CAND2: variants seen among roughly 807,000 people sequenced by gnomAD.
CAND2 encodes the protein cullin associated and neddylation dissociated 2 (putative).
CAND2 carries 62 observed loss-of-function variants against 98.9 expected under a neutral mutation model. The ratio of observed to expected loss-of-function variants is 0.63; its 90% CI spans 0.51 to 0.77. CAND2 has a LOEUF of 0.77. Among genes scored for constraint, CAND2 ranks in the 30% least tolerant of loss-of-function variants. CAND2 has a pLI of 0.00. For synonymous variants in CAND2, 770 were observed against 731.9 expected, an observed-to-expected ratio of 1.05 and a Z score of -0.84; for missense variants, 1,501 against 1,655.2, an observed-to-expected ratio of 0.91 and a Z score of 1.62.
In CAND2 at chr3:12,816,727, G is replaced by A; in HGVS notation, c.1795G>A (p.Val599Ile). The A allele has an allele frequency of 6.2e-7, 1 of 1,613,694 alleles. No individual in the cohort carries two copies. Among genetic ancestry groups the A allele is most frequent in the Non-Finnish European group, 8.5e-7 (1 of 1,180,036 alleles). Residue 599 changes from valine to isoleucine, a missense_variant, in exon 10 of 15, where the codon GTA becomes ATA. Val to Ile is a conservative substitution (Grantham distance 29). Coordinates refer to ENST00000456430, the MANE Select transcript of CAND2 (RefSeq NM_001162499.2). ...GGCCATTTCCTGCATGGGCCACCTT[G>A]TAGGCCACCTGGGTGACCGGCTTGG... ...ERAISCMGHLVGHLGDRLGDD... is the reference protein window; with the variant it reads ...ERAISCMGHLIGHLGDRLGDD...
At position 12,815,228 on chromosome 3, in the gene CAND2, C is replaced by T. The variant is rs61737053; in HGVS notation, c.1094C>T (p.Ser365Leu). Residue 365 changes from serine to leucine, a missense_variant, in exon 8 of 15, where the codon TCG becomes TTG. This residue lies in a region of CAND2 where 1,427 missense variants were observed against 1,545.3 expected (regional missense o/e 0.92). Coordinates refer to ENST00000456430, the MANE Select transcript of CAND2 (RefSeq NM_001162499.2). The surrounding 1 kb of genome is among the most constrained non-coding windows in gnomAD (Gnocchi z 5.7). ...AAKCIAALISSRPDLLPDFHC... is the reference protein window; with the variant it reads ...AAKCIAALISLRPDLLPDFHC... The stretch of plus-strand genomic sequence containing the variant: ...AAGTGCATCGCAGCCTTGATCAGCT[C>T]GCGGCCTGACCTGCTGCCCGATTTC... 91 of 1,613,682 alleles carry T rather than the reference C, an allele frequency of 5.6e-5. No individual in the cohort carries two copies. The highest frequency in any genetic ancestry group is 6.6e-5 in the Non-Finnish European group (78 of 1,179,982).
Position 12,810,318 on chromosome 3 carries a change from C to T in CAND2, c.751C>T (p.Arg251Cys). Residue 251 changes from arginine (R) to cysteine (C), a missense_variant, in exon 5 of 15, where the codon CGC becomes TGC. Transcript: ENST00000456430. ...CAGCGTCGGCCGCCAGGCCGGCCAC[C>T]GCCTCGGTAAGGGGGCAGGGGGCGG... is the stretch of plus-strand genomic sequence containing the variant. Reference protein sequence around the residue: ...LGSVGRQAGHRLGAHLDRLVP... With the variant: ...LGSVGRQAGHCLGAHLDRLVP... The T allele has an allele frequency of 6.9e-7, 1 of 1,456,474 alleles. No individual in the cohort carries two copies. The highest frequency in any genetic ancestry group is 9.1e-7 in the Non-Finnish European group (1 of 1,104,764). The allele number at this position is 1,456,474 out of a possible 1,614,324, so 90.2% of individuals were successfully genotyped here.
intron 11 of CAND2, among the ~76,000 whole-genome samples, chr3:12,821,154 A>C (rs1205436673): frequency 6.6e-6 from 1 of 151,700 alleles, no homozygotes; most frequent in Non-Finnish European, 1.5e-5. Flanking sequence ...GAATCACTTG[A>C]TCCCGGGAGG....
chr3:12,820,557 C>A (rs2061949420), intron 11 of CAND2, among the ~76,000 whole-genome samples: 1 of 152,260 alleles, frequency 6.6e-6, no homozygotes, highest in Non-Finnish European at 1.5e-5. Flanking sequence ...CAGCCTCTCA[C>A]ATGCCTTAGC....
Position 12,797,111 on chromosome 3 carries a change from C to A in CAND2, c.68+323C>A, listed in dbSNP as rs11918133. Reference sequence around the variant, plus strand: ...ACCCCTCTGCACCCTGCCTCGGCCTCTCCTCCCTCGTGTGTGTCCGGCCCC... The same window carrying A: ...ACCCCTCTGCACCCTGCCTCGGCCTATCCTCCCTCGTGTGTGTCCGGCCCC... On this transcript the variant is annotated intron_variant, in intron 1 of 14. Coordinates refer to ENST00000456430, the MANE Select transcript of CAND2 (RefSeq NM_001162499.2). Among the ~76,000 whole-genome samples, 839 of 151,262 alleles carry A rather than the reference C, an allele frequency of 5.5e-3. 8 individuals are homozygous for A. Among genetic ancestry groups the A allele is most frequent in the African/African-American group, 0.017 (713 of 41,130 alleles).
chr3:12,803,731 C>G, intron 2 of CAND2, 100 bp downstream of exon 2: 8 of 1,052,528 alleles, frequency 7.6e-6, no homozygotes, highest in African/African-American at 3.2e-5. Context: ...GCAGAGGAGA[C>G]CTGCTGAGCA....
At chr3:12,824,779 G>A (rs556878107) in intron 11 of CAND2, among the ~76,000 whole-genome samples, 49 of 152,234 alleles carry the variant, frequency 3.2e-4, no homozygotes, top group African/African-American at 1.1e-3. Flanking sequence ...ATGGTGGTTC[G>A]TGCCTGTAAT....
Position 12,827,454 on chromosome 3 carries a change from C to T in CAND2, c.3225C>T (p.Pro1075=), listed in dbSNP as rs1197919936. The T allele has an allele frequency of 2.5e-6, 4 of 1,613,616 alleles. No homozygotes were observed. The highest frequency in any genetic ancestry group is 3.4e-6 in the Non-Finnish European group (4 of 1,179,740). The change falls in exon 13 of 15, where the codon CCC becomes CCT. Residue 1075 remains proline (P), a synonymous_variant. Coordinates refer to ENST00000456430, the MANE Select transcript of CAND2 (RefSeq NM_001162499.2). ...CCCTCCTGCAGGTGGAGATGGGGCC[C>T]TTTAAACATACAGTGGACGATGGGC... ...RDLIREVEMG[P]FKHTVDDGLD...
At chr3:12,821,233 CAA>C (rs10589402) in intron 11 of CAND2, among the ~76,000 whole-genome samples, 87,326 of 139,714 alleles carry the variant, frequency 0.63, 26,996 homozygotes, top group African/African-American at 0.68. Flanking sequence ...GACTCCGTCT[CAA>C]AAAAAAAAAA....
At chr3:12,829,335 C>G (rs2124873961) in intron 13 of CAND2, among the ~76,000 whole-genome samples, 1 of 152,134 alleles carries the variant, frequency 6.6e-6, no homozygotes, top group African/African-American at 2.4e-5. Context: ...TTAGTAGAGA[C>G]AGGGTTTCGC....
intron 2 of CAND2, among the ~76,000 whole-genome samples, chr3:12,806,683 G>A (rs996778042): frequency 6.6e-6 from 1 of 152,228 alleles, no homozygotes. Flanking sequence ...AGGGCGTCTA[G>A]TGCCGCTGTT....
rs1371524529 is a variant in CAND2 at position 12,815,885 on chromosome 3, G to A, written c.1318G>A (p.Ala440Thr). The change falls in exon 9 of 15, where the codon GCC (alanine) becomes ACC (threonine). Residue 440 changes from alanine to threonine, a missense_variant. Transcript: ENST00000456430. This position sits in a 1 kb window ranked among gnomAD's most constrained non-coding sequence, Gnocchi z 5.7. ...CCCACAGGTGCCCCTTGTGGTCAAG[G>A]CCCTGCAGCGGCAGCTTAAAGATCG... ...LRGQVPLVVK[A>T]LQRQLKDRSV... The A allele has an allele frequency of 1.2e-5, 19 of 1,613,612 alleles. No homozygotes were observed. The highest frequency in any genetic ancestry group is 1.7e-5 in the Admixed American group (1 of 59,974).
At chr3:12,803,709 G>T (rs2061784101) in intron 2 of CAND2, 78 bp downstream of exon 2, 1 of 1,380,856 alleles carries the variant, frequency 7.2e-7, no homozygotes, top group African/African-American at 1.4e-5. Flanking sequence ...TGTCCCTTTG[G>T]GGTACAGCCT....
intron 7 of CAND2, 151 bp from the exon 8 acceptor site, chr3:12,814,990 A>G: frequency 2.9e-6 from 2 of 701,330 alleles, no homozygotes; most frequent in Non-Finnish European, 4.7e-6. Context: ...ATTAAAAGGT[A>G]GGGAATGTTC....
In CAND2 at chr3:12,812,992, G is replaced by C. The variant is rs62637649; in HGVS notation, c.760G>C (p.Ala254Pro). 6.4e-7 allele frequency: 1 copy of C among 1,566,448 alleles called. No individual in the cohort carries two copies. Among genetic ancestry groups the C allele is most frequent in the South Asian group, 1.2e-5 (1 of 85,276 alleles). ...CAGTGATCCACCTGGCCCTGCAGGGGCTCACCTGGACCGCCTGGTGCCCCT... is the reference window on the plus strand; with the variant it reads ...CAGTGATCCACCTGGCCCTGCAGGGCCTCACCTGGACCGCCTGGTGCCCCT... ...VGRQAGHRLG[A>P]HLDRLVPLVE... is the part of the protein sequence containing the mutation. Residue 254 changes from alanine to proline, a missense_variant and splice_region_variant, in exon 6 of 15, where the codon GCT becomes CCT. Transcript: ENST00000456430.
At position 12,815,870 on chromosome 3, in the gene CAND2, C is replaced by T. The variant is rs369200093; in HGVS notation, c.1303C>T (p.Pro435Ser). 5.0e-6 allele frequency: 8 copies of T among 1,612,516 alleles called. 1 individual carries two copies. The highest frequency in any genetic ancestry group is 1.3e-5 in the African/African-American group (1 of 74,896). ...GACTTCCCCCTCCTGCCCACAGGTG[C>T]CCCTTGTGGTCAAGGCCCTGCAGCG... ...SNLHMLRGQVPLVVKALQRQL... is the reference protein window; with the variant it reads ...SNLHMLRGQVSLVVKALQRQL... Residue 435 changes from proline (P) to serine (S), a missense_variant, in exon 9 of 15, where the codon CCC becomes TCC. Pro to Ser is a moderately conservative substitution (Grantham distance 74). This residue lies in a region of CAND2 where 1,427 missense variants were observed against 1,545.3 expected (regional missense o/e 0.92). Coordinates refer to ENST00000456430, the MANE Select transcript of CAND2 (RefSeq NM_001162499.2). The surrounding 1 kb of genome is among the most constrained non-coding windows in gnomAD (Gnocchi z 5.7).
At chr3:12,799,578 G>C (rs1481878088) in intron 1 of CAND2, among the ~76,000 whole-genome samples, 1 of 152,134 alleles carries the variant, frequency 6.6e-6, no homozygotes, top group Non-Finnish European at 1.5e-5. Context: ...TTGGCTGTAA[G>C]TTCTGTTAAG....
rs1401480028 is a variant in CAND2, at chr3:12,808,291, T to A, written c.449T>A (p.Val150Glu). Residue 150 changes from valine to glutamate, a missense_variant, in exon 4 of 15, where the codon GTG (valine) becomes GAG (glutamate). Val to Glu is a moderately radical substitution (Grantham distance 121). Transcript: ENST00000456430. ...ATTGCCCAGCAGGAGGATGTGGCTG[T>A]GCAGCTGGAAGCCCTGGACATCCTC... The part of the protein sequence containing the change: ...SAIAQQEDVA[V>E]QLEALDILSD... 6.4e-7 allele frequency: 1 copy of A among 1,551,318 alleles called. No individual in the cohort carries two copies. The highest frequency in any genetic ancestry group is 1.4e-5 in the African/African-American group (1 of 73,030).
In CAND2 at chr3:12,834,245, C is replaced by T. The variant is rs1269712940; in HGVS notation, c.*263C>T. The T allele has an allele frequency of 2.0e-5, 10 of 502,452 alleles. No individual in the cohort carries two copies. The highest frequency in any genetic ancestry group is 3.3e-5 in the Non-Finnish European group (9 of 275,792). 31.1% of individuals were successfully genotyped at this position (502,452 alleles called of 1,614,324 possible). A position where few individuals can be genotyped will look rare whatever the true frequency, so the allele number is the denominator to read the frequency against. The stretch of plus-strand genomic sequence containing the variant: ...AAAGAAATAGGGTGAGGAAGTTTTC[C>T]AGTGACTTCACACTGTACCCCTCCA... On this transcript the variant is annotated 3_prime_UTR_variant, in exon 15 of 15. Coordinates refer to ENST00000456430, the MANE Select transcript of CAND2 (RefSeq NM_001162499.2).
Sources: allele counts gnomAD v4.1 joint callset (sites outside exome capture counted in the v4.1 genomes callset), GRCh38; gene constraint gnomAD v4.1.1; regional missense constraint gnomAD v4.1.1; non-coding constraint Gnocchi (gnomAD v3.1); transcripts MANE v1.5; gene names NCBI Gene and HGNC (gene_info 2026-07-23, HGNC 2026-07-21).